TMEM272: variants seen among roughly 807,000 people sequenced by gnomAD.
TMEM272 encodes long intergenic non-protein coding RNA 282.
Under a neutral mutation model 3.7 loss-of-function variants are expected in TMEM272, and 8 were observed. The observed-to-expected ratio is 2.17, with a 90% CI of 1.27 to 3.91. The LOEUF is 3.91. TMEM272 is among the 30% of genes most tolerant of loss of function. The pLI, the probability that TMEM272 is intolerant of heterozygous loss-of-function variation, is 0.00. For missense variants in TMEM272, 166 were observed against 91.5 expected (o/e 1.81, Z -3.32); for synonymous variants, 63 against 39.8 (o/e 1.58, Z -2.20).
At chr13:51,862,228 CAGTA>C in the TMEM272 span, 1 of 152,166 alleles carries the variant, frequency 6.6e-6, no homozygotes, top group Non-Finnish European at 1.5e-5. Context: ...AGCAGCTAAG[CAGTA>C]AGTAACTGTT....
chr13:51,845,183 T>G (rs184818658), upstream of TMEM272: 10 of 152,512 alleles, frequency 6.6e-5, no homozygotes, highest in East Asian at 1.9e-3. Flanking sequence ...CTCGTGGCTT[T>G]TCCTCTAAGG....
At chr13:51,852,378 C>T in the TMEM272 span, among the ~76,000 whole-genome samples, 83,879 of 152,132 alleles carry the variant, frequency 0.55, 26,173 homozygotes, top group East Asian at 0.99. Flanking sequence ...CTTTATAAAA[C>T]GGGCACTGTG....
At chr13:51,822,344 C>T (rs982607244) in intron 3 of TMEM272, among the ~76,000 whole-genome samples, 3 of 152,126 alleles carry the variant, frequency 2.0e-5, no homozygotes, top group Non-Finnish European at 2.9e-5. Flanking sequence ...AGCGGAGTGG[C>T]GATAAATACT....
chr13:51,873,108 G>C, the TMEM272 span, among the ~76,000 whole-genome samples: 950 of 152,314 alleles, frequency 6.2e-3, 12 homozygotes, highest in African/African-American at 0.022. Flanking sequence ...AAAAAGACAA[G>C]ACGAAATTAA....
At chr13:51,834,925 G>T (rs998659072) in intron 2 of TMEM272, among the ~76,000 whole-genome samples, 5 of 152,214 alleles carry the variant, frequency 3.3e-5, no homozygotes, top group African/African-American at 1.2e-4. Flanking sequence ...CAGGCTGCAG[G>T]GAAGCAAATG....
At chr13:51,900,013 A>T in the TMEM272 span, among the ~76,000 whole-genome samples, 1 of 152,232 alleles carries the variant, frequency 6.6e-6, no homozygotes, top group African/African-American at 2.4e-5. Flanking sequence ...TATGGGTCAT[A>T]GTCTTACATG....
the TMEM272 span, chr13:51,865,927 C>T: frequency 1.2e-6 from 2 of 1,613,948 alleles, no homozygotes; most frequent in East Asian, 4.5e-5. Context: ...ATAAAACGTC[C>T]CTCTGGGAGG....
the TMEM272 span, among the ~76,000 whole-genome samples, chr13:51,890,930 A>G: frequency 6.6e-6 from 1 of 152,188 alleles, no homozygotes; most frequent in African/African-American, 2.4e-5. Flanking sequence ...TTTAAACTCA[A>G]TTTGTTGAAC....
the TMEM272 span, among the ~76,000 whole-genome samples, chr13:51,878,663 A>G: frequency 6.6e-6 from 1 of 152,192 alleles, no homozygotes; most frequent in African/African-American, 2.4e-5. Context: ...TAACTCTCGA[A>G]TGTATTTGGA....
chr13:51,866,157 G>C, the TMEM272 span: 2 of 1,220,670 alleles, frequency 1.6e-6, no homozygotes, highest in Non-Finnish European at 2.3e-6. Flanking sequence ...CCCATGTGCT[G>C]GAGAAAATAC....
chr13:51,898,027 A>G, the TMEM272 span, among the ~76,000 whole-genome samples: 2 of 151,648 alleles, frequency 1.3e-5, no homozygotes, highest in Non-Finnish European at 2.9e-5. Context: ...GATTGAGACC[A>G]TCCTGGCCAA....
chr13:51,866,055 T>C, the TMEM272 span: 24 of 1,590,560 alleles, frequency 1.5e-5, no homozygotes, highest in Non-Finnish European at 1.9e-5. Flanking sequence ...CAGCGCTTGC[T>C]GGCCTTCTCC....
At chr13:51,875,840 C>T in the TMEM272 span, among the ~76,000 whole-genome samples, 2 of 152,200 alleles carry the variant, frequency 1.3e-5, no homozygotes, top group Non-Finnish European at 2.9e-5. Flanking sequence ...AGGTATGAGA[C>T]CTGTGGGAGA....
rs1956029257 is a variant in TMEM272, at chr13:51,816,673, G to GCGTC, written c.*77_*78insGACG. On this transcript the variant is annotated 3_prime_UTR_variant, in exon 5 of 5. Coordinates refer to ENST00000629372, the MANE Select transcript of TMEM272 (RefSeq NM_001351003.2). ...TGAACCTGTGTGTGTGTGTGTGTGTGTGTGCGTCTGTGTGTCTGTGTGCAC... is the reference window on the plus strand; with the variant it reads ...TGAACCTGTGTGTGTGTGTGTGTGTGCGTCTGTGCGTCTGTGTGTCTGTGTGCAC... The GCGTC allele has an allele frequency of 1.3e-5, 8 of 635,682 alleles. No homozygotes were observed. Among genetic ancestry groups the GCGTC allele is most frequent in the East Asian group, 2.7e-5 (1 of 36,596 alleles). The allele number at this position is 635,682 out of a possible 1,614,324, so 39.4% of individuals were successfully genotyped here.
chr13:51,843,847 CAAT>C (rs1286601825), intron 1 of TMEM272, among the ~76,000 whole-genome samples: 1 of 152,172 alleles, frequency 6.6e-6, no homozygotes, highest in Non-Finnish European at 1.5e-5. Flanking sequence ...GGGAATTAAT[CAAT>C]AATAATTGCC....
the TMEM272 span, among the ~76,000 whole-genome samples, chr13:51,853,583 T>C: frequency 6.6e-6 from 1 of 152,182 alleles, no homozygotes; most frequent in Non-Finnish European, 1.5e-5. Context: ...AGAAAATTCA[T>C]GTATAAGTGG....
chr13:51,870,062 T>C, the TMEM272 span, among the ~76,000 whole-genome samples: 2 of 152,198 alleles, frequency 1.3e-5, no homozygotes, highest in African/African-American at 4.8e-5. Flanking sequence ...TCTTAGTCTT[T>C]ATGGTGGCTT....
the TMEM272 span, among the ~76,000 whole-genome samples, chr13:51,883,902 C>T: frequency 0.055 from 8,367 of 152,222 alleles, 283 homozygotes; most frequent in Middle Eastern, 0.11. Flanking sequence ...ATTCCTTTGT[C>T]GTTTTATATT....
chr13:51,918,537 G>A, the TMEM272 span, among the ~76,000 whole-genome samples: 1 of 152,126 alleles, frequency 6.6e-6, no homozygotes, highest in African/African-American at 2.4e-5. Context: ...AGATGTTCAG[G>A]GTGGGTATAT....
Sources: allele counts gnomAD v4.1 joint callset (sites outside exome capture counted in the v4.1 genomes callset), GRCh38; gene constraint gnomAD v4.1.1; transcripts MANE v1.5; gene names NCBI Gene and HGNC (gene_info 2026-07-23, HGNC 2026-07-21).